USP25: variants seen among roughly 807,000 people sequenced by gnomAD.
The protein encoded by USP25 is ubiquitin carboxyl-terminal hydrolase 25.
In USP25, 85 loss-of-function variants were observed where a neutral mutation model predicts 158.5. The ratio of observed to expected loss-of-function variants is 0.54; its 90% CI spans 0.45 to 0.64. USP25 has a LOEUF of 0.64. Ranked by LOEUF, USP25 falls within the 30% of genes least tolerant of loss-of-function variation. The pLI, the probability that USP25 is intolerant of heterozygous loss-of-function variation, is 0.00. For synonymous variants in USP25, 464 were observed against 460.4 expected, an observed-to-expected ratio of 1.01 and a Z score of -0.10; for missense variants, 1,242 against 1,327.3, an observed-to-expected ratio of 0.94 and a Z score of 1.00.
intron 17 of USP25, among the ~76,000 whole-genome samples, chr21:15,836,760 G>T (rs986728349): frequency 6.8e-6 from 1 of 146,468 alleles, no homozygotes; most frequent in African/African-American, 2.5e-5. Context: ...TCAGTGTGTG[G>T]ATCAGAGTGA....
chr21:15,796,573 T>G (rs2035871756), intron 5 of USP25, among the ~76,000 whole-genome samples: 1 of 151,482 alleles, frequency 6.6e-6, no homozygotes, highest in Non-Finnish European at 1.5e-5. Flanking sequence ...GAGTTGGAAT[T>G]CTAAATGGTT....
chr21:15,862,797 T>G (rs2039486733), intron 20 of USP25, among the ~76,000 whole-genome samples: 1 of 151,770 alleles, frequency 6.6e-6, no homozygotes, highest in South Asian at 2.1e-4. Flanking sequence ...TTAAAATAAT[T>G]TGTTCTCTTA....
chr21:15,779,820 T>C (rs1025538196), intron 4 of USP25, among the ~76,000 whole-genome samples: 1 of 152,058 alleles, frequency 6.6e-6, no homozygotes, highest in Non-Finnish European at 1.5e-5. Flanking sequence ...TTCGGCATAA[T>C]GTAACATGCC....
At chr21:15,813,294 G>GA (rs1258917503) in intron 9 of USP25, among the ~76,000 whole-genome samples, 1 of 152,046 alleles carries the variant, frequency 6.6e-6, no homozygotes, top group African/African-American at 2.4e-5. Context: ...CATTCTCTGA[G>GA]AAAATCTTTA....
chr21:15,826,278 C>T lies in USP25; in HGVS notation c.1379C>T (p.Ser460Leu), dbSNP rs2037498236. 6.2e-7 allele frequency: 1 copy of T among 1,614,126 alleles called. No homozygotes were observed. Among genetic ancestry groups the T allele is most frequent in the Non-Finnish European group, 8.5e-7 (1 of 1,179,986 alleles). ...DVLQYALEFA[S>L]SKPVCTSPVD... ...CTTCAGTATGCATTGGAATTTGCCT[C>T]AAGTAAACCTGTTTGCACTTCTCCT... The change falls in exon 13 of 26, where the codon TCA (serine) becomes TTA (leucine). Residue 460 changes from serine to leucine, a missense_variant. Around this residue, in one of 3 missense-constraint regions of USP25, gnomAD observed 627 missense variants for 701.4 expected, o/e 0.89. Transcript: ENST00000400183. This position sits in a 1 kb window ranked among gnomAD's most constrained non-coding sequence, Gnocchi z 4.8.
At chr21:15,784,003 C>T (rs2035129456) in intron 4 of USP25, among the ~76,000 whole-genome samples, 1 of 151,868 alleles carries the variant, frequency 6.6e-6, no homozygotes. Context: ...GAAATAGAGA[C>T]GTTTCCAGAC....
chr21:15,849,854 T>C lies in USP25; in HGVS notation c.2529T>C (p.Pro843=), dbSNP rs2146483989. The stretch of plus-strand genomic sequence containing the variant: ...GGAGTGTATATGACAGGTGTGGCCC[T>C]GAAGCAGGGTTCTTTAAGGTACAAT... ...KSRSVYDRCG[P]EAGFFKAIKL... Residue 843 remains proline (P), a synonymous_variant, in exon 20 of 26, where the codon CCT becomes CCC. Coordinates refer to ENST00000400183, the MANE Select transcript of USP25 (RefSeq NM_001283041.3). The C allele has an allele frequency of 6.6e-7, 1 of 1,522,276 alleles. No homozygotes were observed. The highest frequency in any genetic ancestry group is 8.8e-7 in the Non-Finnish European group (1 of 1,133,988). 94.3% of individuals were successfully genotyped at this position (1,522,276 alleles called of 1,614,324 possible).
chr21:15,840,355 C>T (rs906996050), intron 17 of USP25, among the ~76,000 whole-genome samples: 1 of 152,112 alleles, frequency 6.6e-6, no homozygotes, highest in Non-Finnish European at 1.5e-5. Flanking sequence ...TCAGATTTTA[C>T]TCAGAGTTCC....
At chr21:15,812,153 TTA>T (rs1002965627) in intron 9 of USP25, among the ~76,000 whole-genome samples, 43 of 150,610 alleles carry the variant, frequency 2.9e-4, no homozygotes, top group Non-Finnish European at 5.5e-4. Context: ...ATATATAAGT[TTA>T]TATATATATG....
At chr21:15,840,396 G>GT (rs1407929112) in intron 17 of USP25, among the ~76,000 whole-genome samples, 3 of 151,682 alleles carry the variant, frequency 2.0e-5, no homozygotes, top group East Asian at 3.9e-4. Flanking sequence ...AATCTTTTTT[G>GT]TTTTTTATAT....
chr21:15,780,625 T>G (rs764781979), intron 4 of USP25, among the ~76,000 whole-genome samples: 3 of 152,248 alleles, frequency 2.0e-5, no homozygotes, highest in Non-Finnish European at 4.4e-5. Context: ...CTTTTTTTCC[T>G]CATTACTTCT....
chr21:15,789,341 G>A (rs546160549), intron 4 of USP25, among the ~76,000 whole-genome samples: 2 of 152,034 alleles, frequency 1.3e-5, no homozygotes, highest in South Asian at 4.2e-4. Context: ...ATGTACTTAG[G>A]GTGTATTGTG....
At chr21:15,822,610 G>A (rs1158087088) in intron 10 of USP25, among the ~76,000 whole-genome samples, 1 of 151,880 alleles carries the variant, frequency 6.6e-6, no homozygotes, top group Non-Finnish European at 1.5e-5. Context: ...TCTTGTTTGA[G>A]TATCATAAAA....
intron 20 of USP25, among the ~76,000 whole-genome samples, chr21:15,860,452 G>GC (rs1353462725): frequency 6.6e-6 from 1 of 152,084 alleles, no homozygotes; most frequent in Non-Finnish European, 1.5e-5. Context: ...ACTGTGCCTG[G>GC]CCTGGAAATT....
At chr21:15,742,223 A>G (rs1415931069) in intron 1 of USP25, among the ~76,000 whole-genome samples, 3 of 151,922 alleles carry the variant, frequency 2.0e-5, no homozygotes, top group Non-Finnish European at 2.9e-5. Context: ...TCAGTCTGGA[A>G]ATGGGTGGTG....
At chr21:15,810,370 AAC>A in intron 8 of USP25, among the ~76,000 whole-genome samples, 1 of 152,272 alleles carries the variant, frequency 6.6e-6, no homozygotes, top group Non-Finnish European at 1.5e-5. Flanking sequence ...AATTAATATA[AAC>A]ACAAATTAAT....
At chr21:15,866,219 A>ATATG in intron 21 of USP25, 47 bp from the exon 22 acceptor site, 1 of 1,191,138 alleles carries the variant, frequency 8.4e-7, no homozygotes, top group Non-Finnish European at 1.1e-6. Flanking sequence ...ATATATATAT[A>ATATG]TACACACACA....
chr21:15,799,683 C>T, intron 5 of USP25, 74 bp from the exon 6 acceptor site: 2 of 1,045,744 alleles, frequency 1.9e-6, no homozygotes, highest in African/African-American at 1.6e-5. Flanking sequence ...AAATAAACCT[C>T]CAAGACTAGT....
chr21:15,730,220 G>A lies in USP25; in HGVS notation c.-174G>A. The A allele has an allele frequency of 1.5e-6, 1 of 660,370 alleles. No homozygotes were observed. Among genetic ancestry groups the A allele is most frequent in the Non-Finnish European group, 1.9e-6 (1 of 534,378 alleles). The allele number at this position is 660,370 out of a possible 1,614,324, so 40.9% of individuals were successfully genotyped here. A position where few individuals can be genotyped will look rare whatever the true frequency, so the allele number is the denominator to read the frequency against. ...ACAGTCGGCGTTTCGCCGCCTGCCC[G>A]CGGTGCCCGCGCACGCCGGCCGCCA... On this transcript the variant is annotated 5_prime_UTR_variant, in exon 1 of 26. Coordinates refer to ENST00000400183, the MANE Select transcript of USP25 (RefSeq NM_001283041.3).
Sources: allele counts gnomAD v4.1 joint callset (sites outside exome capture counted in the v4.1 genomes callset), GRCh38; gene constraint gnomAD v4.1.1; regional missense constraint gnomAD v4.1.1; non-coding constraint Gnocchi (gnomAD v3.1); transcripts MANE v1.5; gene names NCBI Gene and HGNC (gene_info 2026-07-23, HGNC 2026-07-21).